NLGN1: variants seen among roughly 807,000 people sequenced by gnomAD.
NLGN1 encodes neuroligin-1.
In NLGN1, 12 loss-of-function variants were observed where a neutral mutation model predicts 65.5. That is an observed-to-expected ratio of 0.18 (90% confidence interval 0.12 to 0.30). NLGN1 has a LOEUF of 0.30. Ranked by LOEUF, NLGN1 falls within the 10% of genes least tolerant of loss-of-function variation. The pLI is 1.00. For missense variants in NLGN1, 750 were observed against 1,007.1 expected, an observed-to-expected ratio of 0.74 and a Z score of 3.46; for synonymous variants, 350 against 359.5, an observed-to-expected ratio of 0.97 and a Z score of 0.30.
intron 4 of NLGN1, among the ~76,000 whole-genome samples, chr3:174,048,031 T>C (rs1200268925): frequency 6.6e-6 from 1 of 152,074 alleles, no homozygotes; most frequent in East Asian, 1.9e-4. Context: ...TTTGTCATTT[T>C]AAAAGTCTAA....
downstream of NLGN1, among the ~76,000 whole-genome samples, chr3:174,289,969 GTATATATATATA>G (rs748262574): frequency 7.5e-6 from 1 of 133,748 alleles, no homozygotes; most frequent in Non-Finnish European, 1.6e-5. Context: ...ATATATATAT[GTATATATATATA>G]TATACATATA....
chr3:174,072,265 T>A (rs1740055670), intron 4 of NLGN1, among the ~76,000 whole-genome samples: 1 of 152,132 alleles, frequency 6.6e-6, no homozygotes, highest in Non-Finnish European at 1.5e-5. Flanking sequence ...CAAGAAAGTA[T>A]GGTACAAGAA....
chr3:173,403,842 CACAA>C (rs1718143975), intron 1 of NLGN1, among the ~76,000 whole-genome samples: 1 of 152,042 alleles, frequency 6.6e-6, no homozygotes, highest in Non-Finnish European at 1.5e-5. Context: ...TGAATACATG[CACAA>C]ACAAATGAGT....
intron 3 of NLGN1, among the ~76,000 whole-genome samples, chr3:173,691,350 G>A (rs980491998): frequency 6.6e-6 from 1 of 151,768 alleles, no homozygotes; most frequent in Non-Finnish European, 1.5e-5. Context: ...TGCATTTATT[G>A]CTTTTACTAC....
At chr3:173,570,549 A>AC (rs1228025519) in intron 2 of NLGN1, among the ~76,000 whole-genome samples, 1 of 152,168 alleles carries the variant, frequency 6.6e-6, no homozygotes, top group East Asian at 1.9e-4. Flanking sequence ...CCTTCTTTGT[A>AC]AAAGGAGCAT....
intron 3 of NLGN1, among the ~76,000 whole-genome samples, chr3:173,788,971 GC>G (rs1445889600): frequency 3.3e-5 from 5 of 151,896 alleles, no homozygotes; most frequent in Non-Finnish European, 7.4e-5. Context: ...GCTGAGGTAG[GC>G]AGATCACGAG....
downstream of NLGN1, among the ~76,000 whole-genome samples, chr3:174,291,083 T>G (rs1483980655): frequency 6.6e-6 from 1 of 150,528 alleles, no homozygotes; most frequent in South Asian, 2.1e-4. Flanking sequence ...CAAAGAATGC[T>G]TTAAGAGACA....
At chr3:173,855,023 A>T (rs1727692063) in intron 4 of NLGN1, among the ~76,000 whole-genome samples, 1 of 152,108 alleles carries the variant, frequency 6.6e-6, no homozygotes, top group African/African-American at 2.4e-5. Context: ...TATATTATTA[A>T]TGTACCATGC....
intron 2 of NLGN1, among the ~76,000 whole-genome samples, chr3:173,592,110 C>T (rs918787839): frequency 2.0e-5 from 3 of 151,858 alleles, no homozygotes; most frequent in Admixed American, 6.6e-5. Flanking sequence ...GATTTTTGCC[C>T]CTCTTGCCCC....
chr3:173,797,548 C>A lies in NLGN1; in HGVS notation c.494-10132C>A, dbSNP rs76498624. 1.9e-3 allele frequency among the ~76,000 whole-genome samples: 285 copies of A among 152,072 alleles called. 2 individuals are homozygous for A. Among genetic ancestry groups the A allele is most frequent in the African/African-American group, 6.5e-3 (268 of 41,504 alleles). ...GCAATATTTGTATTTGCTTCTAATT[C>A]TTCAGATTTATTACAATAAAAGATG... On this transcript the variant is annotated intron_variant, in intron 3 of 6. Transcript: ENST00000457714.
intron 4 of NLGN1, among the ~76,000 whole-genome samples, chr3:174,209,189 G>T (rs931874471): frequency 3.9e-5 from 6 of 152,162 alleles, no homozygotes; most frequent in Admixed American, 6.5e-5. Flanking sequence ...CTCCCAAAGT[G>T]CTGGGATTAC....
chr3:174,152,511 G>C (rs534339876), intron 4 of NLGN1, among the ~76,000 whole-genome samples: 1 of 152,120 alleles, frequency 6.6e-6, no homozygotes. Context: ...TCAGGGGAGC[G>C]GGGAGGGATA....
intron 4 of NLGN1, among the ~76,000 whole-genome samples, chr3:173,859,507 G>A (rs571799197): frequency 6.6e-6 from 1 of 152,094 alleles, no homozygotes; most frequent in South Asian, 2.1e-4. Context: ...TATTTGTAAG[G>A]GCCCTATTTC....
At chr3:173,972,312 A>G (rs77069985) in intron 4 of NLGN1, among the ~76,000 whole-genome samples, 2,218 of 152,178 alleles carry the variant, frequency 0.015, 59 homozygotes, top group African/African-American at 0.049. Flanking sequence ...ATGATTTATT[A>G]TATGTAATTT....
chr3:173,597,766 G>A (rs1258616863), intron 2 of NLGN1, among the ~76,000 whole-genome samples: 1 of 149,324 alleles, frequency 6.7e-6, no homozygotes, highest in African/African-American at 2.4e-5. Context: ...CTAAGAAAAT[G>A]AGAAAGATAA....
intron 4 of NLGN1, among the ~76,000 whole-genome samples, chr3:173,847,215 C>T (rs1248732289): frequency 6.6e-6 from 1 of 152,112 alleles, no homozygotes; most frequent in Non-Finnish European, 1.5e-5. Context: ...TAAAAAAATA[C>T]TGCAATGAGA....
chr3:173,782,625 C>G (rs915827584), intron 3 of NLGN1, among the ~76,000 whole-genome samples: 1 of 151,670 alleles, frequency 6.6e-6, no homozygotes, highest in Non-Finnish European at 1.5e-5. Context: ...CCTCGGGCAG[C>G]CCCCAGGAGA....
chr3:174,177,818 A>G (rs1729718479), intron 4 of NLGN1, among the ~76,000 whole-genome samples: 1 of 152,152 alleles, frequency 6.6e-6, no homozygotes, highest in South Asian at 2.1e-4. Context: ...AGTCATAATT[A>G]ATAAATTTTT....
At chr3:173,718,321 T>C (rs1402404550) in intron 3 of NLGN1, among the ~76,000 whole-genome samples, 4 of 152,146 alleles carry the variant, frequency 2.6e-5, no homozygotes, top group Non-Finnish European at 4.4e-5. Context: ...ACCCTTCTGG[T>C]AACCATCATT....
Sources: allele counts gnomAD v4.1 joint callset (sites outside exome capture counted in the v4.1 genomes callset), GRCh38; gene constraint gnomAD v4.1.1; transcripts MANE v1.5; gene names NCBI Gene and HGNC (gene_info 2026-07-23, HGNC 2026-07-21).